The following R3HCC1L variants were observed in gnomAD, a reference collection of about 807,000 sequenced individuals.
The protein encoded by R3HCC1L is R3H domain and coiled-coil containing 1 like, also known as coiled-coil domain-containing protein R3HCC1L.
A neutral mutation model predicts 59.9 loss-of-function variants in R3HCC1L; 51 were observed. The observed-to-expected ratio is 0.85, with a 90% CI of 0.68 to 1.07. R3HCC1L has a LOEUF of 1.07. R3HCC1L is among the 50% of genes least tolerant of loss of function. The pLI is 0.00. For synonymous variants in R3HCC1L, 322 were observed against 315.2 expected (o/e 1.02, Z -0.23); for missense variants, 965 against 933.0 (o/e 1.03, Z -0.45).
chr10:98,136,020 T>C (rs1025244409), intron 1 of R3HCC1L, among the ~76,000 whole-genome samples: 5 of 151,626 alleles, frequency 3.3e-5, no homozygotes, highest in Admixed American at 6.6e-5. Context: ...GCAATCAGTT[T>C]TTTTTTTTTT....
At position 98,152,758 on chromosome 10, in the gene R3HCC1L, C is replaced by T. The variant is rs1285370235; in HGVS notation, c.-267-3335C>T. Among the ~76,000 whole-genome samples the T allele has an allele frequency of 1.6e-4, 23 of 147,770 alleles. 3 individuals carry two copies. The highest frequency in any genetic ancestry group is 8.9e-4 in the Admixed American group (13 of 14,688). On this transcript the variant is annotated intron_variant, in intron 1 of 9. Coordinates refer to ENST00000298999, the MANE Select transcript of R3HCC1L (RefSeq NM_001351015.2). ...GTGAGGAGCCCCTCCGCCTGGCAGC[C>T]GCCCCGTCTGAGAAGTGAGGAGCCC...
At chr10:98,138,221 A>T (rs1339163194) in intron 1 of R3HCC1L, among the ~76,000 whole-genome samples, 1 of 152,000 alleles carries the variant, frequency 6.6e-6, no homozygotes, top group Non-Finnish European at 1.5e-5. Context: ...CTCTTTTTTG[A>T]TGTGGTATGC....
intron 4 of R3HCC1L, among the ~76,000 whole-genome samples, chr10:98,183,098 C>A (rs1192489234): frequency 6.6e-6 from 1 of 152,164 alleles, no homozygotes; most frequent in Admixed American, 6.5e-5. Flanking sequence ...GTTGGAAATG[C>A]AGAAATTACC....
intron 4 of R3HCC1L, among the ~76,000 whole-genome samples, chr10:98,182,294 A>G (rs956224154): frequency 6.6e-6 from 1 of 152,052 alleles, no homozygotes; most frequent in African/African-American, 2.4e-5. Flanking sequence ...GGTCTGTTGG[A>G]ATTTGCTGGA....
At chr10:98,177,225 C>G (rs1015198538) in intron 4 of R3HCC1L, among the ~76,000 whole-genome samples, 34 of 152,216 alleles carry the variant, frequency 2.2e-4, no homozygotes, top group African/African-American at 7.9e-4. Context: ...GTTCCCCTTC[C>G]TGTGTCCAAG....
intron 1 of R3HCC1L, among the ~76,000 whole-genome samples, chr10:98,141,669 C>T (rs1310285862): frequency 6.6e-6 from 1 of 152,312 alleles, no homozygotes; most frequent in East Asian, 1.9e-4. Context: ...CTTCTTCACT[C>T]ACATGGCTGG....
At position 98,209,829 on chromosome 10, in the gene R3HCC1L, C is replaced by T. The variant is rs202079641; in HGVS notation, c.1715C>T (p.Ala572Val). ...TETSHTEGIT[A>V]IEESWESMFN... ...ACTTCTCACACAGAGGGAATTACTG[C>T]CATTGAGGAGAGCTGGGAGTCTATG... Residue 572 changes from alanine (A) to valine (V), a missense_variant, in exon 5 of 10, where the codon GCC (alanine) becomes GTC (valine). By Grantham distance (64) the Ala-to-Val change is moderately conservative (BLOSUM62 0). Coordinates refer to ENST00000298999, the MANE Select transcript of R3HCC1L (RefSeq NM_001351015.2). The T allele has an allele frequency of 3.5e-5, 56 of 1,613,774 alleles. No homozygotes were observed. The highest frequency in any genetic ancestry group is 3.9e-5 in the Non-Finnish European group (46 of 1,179,780).
chr10:98,243,312 T>G, intron 9 of R3HCC1L, among the ~76,000 whole-genome samples: 1 of 152,184 alleles, frequency 6.6e-6, no homozygotes, highest in East Asian at 1.9e-4. Context: ...CTTATCCCCA[T>G]TTTATGGTGT....
chr10:98,232,429 C>T (rs1220760224), intron 6 of R3HCC1L, among the ~76,000 whole-genome samples: 1 of 152,052 alleles, frequency 6.6e-6, no homozygotes, highest in East Asian at 1.9e-4. Context: ...TGCACTAACC[C>T]TTGGTATGTG....
chr10:98,139,154 GCTCCATAAGCTAA>G (rs1844881072), intron 1 of R3HCC1L, among the ~76,000 whole-genome samples: 1 of 152,102 alleles, frequency 6.6e-6, no homozygotes, highest in Non-Finnish European at 1.5e-5. Flanking sequence ...GTCCTCATTA[GCTCCATAAGCTAA>G]CTATTCACAA....
In R3HCC1L at chr10:98,194,487, C is replaced by G. The variant is rs571563827; in HGVS notation, c.-14-13614C>G. Among the ~76,000 whole-genome samples, 6 of 152,190 alleles carry G rather than the reference C, an allele frequency of 3.9e-5. No individual in the cohort carries two copies. In the South Asian group the frequency reaches 1.2e-3, roughly 32 times the overall value. ...AACTAAAAATGTAAAAAACATACAT[C>G]CAACTTAAAAGTCTTCTATACAGCA... is the stretch of plus-strand genomic sequence containing the variant. On this transcript the variant is annotated intron_variant, in intron 4 of 9. Coordinates refer to ENST00000298999, the MANE Select transcript of R3HCC1L (RefSeq NM_001351015.2).
intron 5 of R3HCC1L, among the ~76,000 whole-genome samples, chr10:98,223,839 AGGCCTCCAG>A (rs1855348073): frequency 6.6e-6 from 1 of 152,122 alleles, no homozygotes; most frequent in South Asian, 2.1e-4. Flanking sequence ...GCTGATCCTT[AGGCCTCCAG>A]GCATTTTACT....
chr10:98,146,389 C>CTA (rs1845656207), intron 1 of R3HCC1L, among the ~76,000 whole-genome samples: 1 of 152,180 alleles, frequency 6.6e-6, no homozygotes, highest in African/African-American at 2.4e-5. Flanking sequence ...TCCTACTGAT[C>CTA]TATCAAACAC....
chr10:98,226,714 T>C (rs1451343601), intron 5 of R3HCC1L, among the ~76,000 whole-genome samples: 1 of 152,246 alleles, frequency 6.6e-6, no homozygotes, highest in Non-Finnish European at 1.5e-5. Context: ...GCATAAGGAT[T>C]GACTTGCAAG....
chr10:98,183,975 G>GTTTTTTTTTTTTTTTTTTTTTTTTT (rs1849954252), intron 4 of R3HCC1L, among the ~76,000 whole-genome samples: 2 of 74,968 alleles, frequency 2.7e-5, no homozygotes, highest in African/African-American at 9.5e-5. Flanking sequence ...TTTTTTTTTG[G>GTTTTTTTTTTTTTTTTTTTTTTTTT]TTGAAATCTG....
chr10:98,184,491 G>A (rs1485045688), intron 4 of R3HCC1L, among the ~76,000 whole-genome samples: 1 of 152,104 alleles, frequency 6.6e-6, no homozygotes, highest in Non-Finnish European at 1.5e-5. Context: ...ATACCATACT[G>A]TATAGCCTAG....
chr10:98,165,636 G>A (rs745480163), intron 4 of R3HCC1L, among the ~76,000 whole-genome samples: 30 of 152,248 alleles, frequency 2.0e-4, no homozygotes, highest in Non-Finnish European at 3.4e-4. Context: ...GGAATTTAAT[G>A]TGGGCAAGTT....
chr10:98,173,608 G>A (rs72826262), intron 4 of R3HCC1L, among the ~76,000 whole-genome samples: 345 of 152,216 alleles, frequency 2.3e-3, no homozygotes, highest in Non-Finnish European at 3.6e-3. Context: ...ATTAATTACT[G>A]AAGAGGTGTT....
In R3HCC1L at chr10:98,209,351, T is replaced by C. The variant is rs1307965131; in HGVS notation, c.1237T>C (p.Ser413Pro). ...GACCTCTATTAATACACGAAGTTTCTCAAAGTTTGTAGGAATGAGTGCAGA... is the reference window on the plus strand; with the variant it reads ...GACCTCTATTAATACACGAAGTTTCCCAAAGTTTGTAGGAATGAGTGCAGA... ...DETSINTRSF[S>P]KFVGMSADAT... The change falls in exon 5 of 10, where the codon TCA (serine) becomes CCA (proline). Residue 413 changes from serine (S) to proline (P), a missense_variant. Coordinates refer to ENST00000298999, the MANE Select transcript of R3HCC1L (RefSeq NM_001351015.2). 4 of 1,614,004 alleles carry C rather than the reference T, an allele frequency of 2.5e-6. No individual in the cohort carries two copies. The highest frequency in any genetic ancestry group is 3.4e-6 in the Non-Finnish European group (4 of 1,180,004).
Sources: allele counts gnomAD v4.1 joint callset (sites outside exome capture counted in the v4.1 genomes callset), GRCh38; gene constraint gnomAD v4.1.1; transcripts MANE v1.5; gene names NCBI Gene and HGNC (gene_info 2026-07-23, HGNC 2026-07-21).